The following CHD6 variants were observed in gnomAD, a reference collection of about 807,000 sequenced individuals.
CHD6 encodes ATP-dependent chromatin remodeler CHD6.
A neutral mutation model predicts 276.9 loss-of-function variants in CHD6; 50 were observed. The ratio of observed to expected loss-of-function variants is 0.18; its 90% confidence interval spans 0.14 to 0.23. The LOEUF (loss-of-function observed/expected upper bound fraction) is 0.23. CHD6 is among the 10% of genes least tolerant of loss of function. CHD6 has a pLI of 1.00. For missense variants in CHD6, 2,564 were observed against 3,365.8 expected (o/e 0.76, Z 5.89); for synonymous variants, 1,173 against 1,229.3 (o/e 0.95, Z 0.96).
At chr20:41,431,674 T>G (rs960423050) in intron 27 of CHD6, among the ~76,000 whole-genome samples, 2 of 150,522 alleles carry the variant, frequency 1.3e-5, no homozygotes, top group Non-Finnish European at 2.9e-5. Context: ...ACCCTCTGGA[T>G]AGTAAATATG....
At chr20:41,531,239 T>TA (rs1341876830) in intron 3 of CHD6, among the ~76,000 whole-genome samples, 2 of 152,204 alleles carry the variant, frequency 1.3e-5, no homozygotes, top group Non-Finnish European at 2.9e-5. Flanking sequence ...GGCTTTCTAA[T>TA]GTCTTCTAGA....
chr20:41,596,011 A>G (rs1601180695), intron 1 of CHD6, among the ~76,000 whole-genome samples: 4 of 152,256 alleles, frequency 2.6e-5, no homozygotes, highest in East Asian at 1.9e-4. Context: ...CAAGCAGTCT[A>G]ACACCACATG....
At chr20:41,475,160 G>C (rs2145791212) in intron 16 of CHD6, among the ~76,000 whole-genome samples, 1 of 152,288 alleles carries the variant, frequency 6.6e-6, no homozygotes, top group African/African-American at 2.4e-5. Flanking sequence ...AAATTCTTAA[G>C]TGTCAGTTCT....
intron 3 of CHD6, among the ~76,000 whole-genome samples, chr20:41,519,874 G>C (rs2044344597): frequency 6.6e-6 from 1 of 152,146 alleles, no homozygotes; most frequent in South Asian, 2.1e-4. Flanking sequence ...ACTACCATCA[G>C]AGTGAACAGG....
At chr20:41,540,196 T>G (rs1286589473) in intron 2 of CHD6, among the ~76,000 whole-genome samples, 3 of 152,224 alleles carry the variant, frequency 2.0e-5, no homozygotes, top group Admixed American at 1.3e-4. Context: ...ATCCTGTGGT[T>G]ACTGAATGAA....
In CHD6 at chr20:41,425,242, C is replaced by G; in HGVS notation, c.4282G>C (p.Val1428Leu). 1 of 1,614,198 alleles carries G rather than the reference C, an allele frequency of 6.2e-7. No individual in the cohort carries two copies. The change falls in exon 29 of 37, where the codon GTT (valine) becomes CTT (leucine). Residue 1428 changes from valine to leucine, a missense_variant. Transcript: ENST00000373233. ...ILGPGNQGYW[V>L]QEEMFRRTSE... ...GTTCTCCTGAACATCTCTTCCTGAA[C>G]CCAATATCCTTGGTTACCTGGTCCC...
chr20:41,443,630 G>A (rs2047968249), intron 25 of CHD6, among the ~76,000 whole-genome samples: 1 of 152,136 alleles, frequency 6.6e-6, no homozygotes, highest in South Asian at 2.1e-4. Context: ...ACCTCACTCT[G>A]TCCTCTAAGT....
intron 1 of CHD6, among the ~76,000 whole-genome samples, chr20:41,555,436 G>T (rs1223020564): frequency 6.6e-6 from 1 of 150,534 alleles, no homozygotes; most frequent in Non-Finnish European, 1.5e-5. Flanking sequence ...CTCCCGGACG[G>T]GGTGGCTGCC....
intron 15 of CHD6, among the ~76,000 whole-genome samples, chr20:41,484,055 C>T (rs2043356349): frequency 1.3e-5 from 2 of 152,164 alleles, no homozygotes; most frequent in Admixed American, 1.3e-4. Context: ...AGACTTTGAA[C>T]AAATAAAGGG....
chr20:41,494,937 C>T (rs2043646340), intron 8 of CHD6, among the ~76,000 whole-genome samples: 1 of 152,112 alleles, frequency 6.6e-6, no homozygotes, highest in African/African-American at 2.4e-5. Flanking sequence ...TAACTTCCTT[C>T]CTTATAACTG....
chr20:41,532,532 C>A (rs2044712931), intron 3 of CHD6, among the ~76,000 whole-genome samples: 1 of 152,200 alleles, frequency 6.6e-6, no homozygotes, highest in Middle Eastern at 3.2e-3. Flanking sequence ...TCCCTTACAC[C>A]CTGTGCATGT....
chr20:41,488,637 C>T (rs2043474653), intron 12 of CHD6, 33 bp from the exon 13 acceptor site: 3 of 1,592,042 alleles, frequency 1.9e-6, no homozygotes, highest in East Asian at 2.2e-5. Context: ...CAAAGCTTTA[C>T]ACCATGGCTA....
At chr20:41,425,090 A>C in intron 29 of CHD6, 88 bp downstream of exon 29, 1 of 985,164 alleles carries the variant, frequency 1.0e-6, no homozygotes, top group Non-Finnish European at 1.6e-6. Context: ...GAACAGAAAT[A>C]TACTCGCCCT....
intron 3 of CHD6, among the ~76,000 whole-genome samples, chr20:41,517,048 C>T (rs1032035107): frequency 7.2e-5 from 11 of 152,164 alleles, no homozygotes; most frequent in East Asian, 1.9e-4. Flanking sequence ...CTTGAACACC[C>T]GTCACCCTTC....
intron 25 of CHD6, 92 bp downstream of exon 25, chr20:41,445,573 G>A (rs1321647208): frequency 3.0e-5 from 22 of 731,512 alleles, no homozygotes; most frequent in Non-Finnish European, 1.9e-5. Flanking sequence ...ATAGAGTTTT[G>A]CAGGAACATG....
At chr20:41,616,889 C>G (rs1038436431) in intron 1 of CHD6, among the ~76,000 whole-genome samples, 1 of 152,136 alleles carries the variant, frequency 6.6e-6, no homozygotes, top group African/African-American at 2.4e-5. Context: ...GCCATGAAAT[C>G]AATGGGACAG....
chr20:41,563,760 A>G (rs1219172331), intron 1 of CHD6, among the ~76,000 whole-genome samples: 1 of 152,148 alleles, frequency 6.6e-6, no homozygotes, highest in Non-Finnish European at 1.5e-5. Context: ...GTTGGTCCCT[A>G]TGTCATAATG....
intron 3 of CHD6, among the ~76,000 whole-genome samples, chr20:41,524,448 A>C (rs1356452459): frequency 6.6e-6 from 1 of 152,234 alleles, no homozygotes; most frequent in Non-Finnish European, 1.5e-5. Flanking sequence ...AGTAAAAAGG[A>C]AACAAAAAGA....
intron 1 of CHD6, among the ~76,000 whole-genome samples, chr20:41,608,097 A>G (rs1346491723): frequency 6.6e-6 from 1 of 152,224 alleles, no homozygotes; most frequent in Non-Finnish European, 1.5e-5. Flanking sequence ...TATTATCATG[A>G]TTACTGAGGG....
Sources: allele counts gnomAD v4.1 joint callset (sites outside exome capture counted in the v4.1 genomes callset), GRCh38; gene constraint gnomAD v4.1.1; transcripts MANE v1.5; gene names NCBI Gene and HGNC (gene_info 2026-07-23, HGNC 2026-07-21).